Variants in BCL2 observed in about 807,000 individuals in gnomAD.
BCL2 encodes BCL2 apoptosis regulator.
A neutral mutation model predicts 14.2 loss-of-function variants in BCL2; 1 was observed. The observed-to-expected ratio is 0.07, with a 90% confidence interval of 0.02 to 0.33. BCL2 has a LOEUF of 0.33. Among genes scored for constraint, BCL2 ranks in the 10% least tolerant of loss-of-function variants. The pLI is 0.99. For synonymous variants in BCL2, 151 were observed against 137.2 expected (o/e 1.10, Z -0.70); for missense variants, 247 against 305.9 (o/e 0.81, Z 1.44).
intron 2 of BCL2, among the ~76,000 whole-genome samples, chr18:63,168,251 TGG>T (rs1481538336): frequency 1.3e-5 from 2 of 151,722 alleles, no homozygotes; most frequent in African/African-American, 4.8e-5. Context: ...ATTCCTTCCC[TGG>T]GCACATTTAA....
chr18:63,238,677 T>A (rs552679985), intron 2 of BCL2, among the ~76,000 whole-genome samples: 76 of 152,336 alleles, frequency 5.0e-4, no homozygotes, highest in African/African-American at 1.6e-3. Context: ...GCAGAGTCTA[T>A]GTTTATTTAC....
intron 2 of BCL2, among the ~76,000 whole-genome samples, chr18:63,309,889 G>A (rs770765617): frequency 5.3e-5 from 8 of 152,020 alleles, no homozygotes; most frequent in Non-Finnish European, 1.0e-4. Flanking sequence ...TTGAGACAGA[G>A]TCTCGCTCTG....
At position 63,247,871 on chromosome 18, in the gene BCL2, T is replaced by C. The variant is rs980878679; in HGVS notation, c.585+70211A>G. Among the ~76,000 whole-genome samples the C allele has an allele frequency of 2.0e-5, 3 of 152,310 alleles. No homozygotes were observed. The East Asian group carries it at 5.8e-4, about 29-fold the overall frequency. On this transcript the variant is annotated intron_variant, in intron 2 of 2. Coordinates refer to ENST00000333681, the MANE Select transcript of BCL2 (RefSeq NM_000633.3). ...ACTTAGAGGGTTATGTTTATAGACA[T>C]AGTGAAATATATTTTTTTAATTACT...
At chr18:63,281,150 G>A (rs895329908) in intron 2 of BCL2, among the ~76,000 whole-genome samples, 2 of 152,082 alleles carry the variant, frequency 1.3e-5, no homozygotes, top group African/African-American at 2.4e-5. Context: ...CAGTAGTATG[G>A]TGGTTGCCAA....
rs1446342894 is a variant in BCL2 at position 63,262,821 on chromosome 18, C to T, written c.585+55261G>A. Among the ~76,000 whole-genome samples, 3 of 152,120 alleles carry T rather than the reference C, an allele frequency of 2.0e-5. No individual in the cohort carries two copies. In the East Asian group the frequency reaches 5.8e-4, roughly 29 times the overall value. On this transcript the variant is annotated intron_variant, in intron 2 of 2. Transcript: ENST00000333681. Reference sequence around the variant, plus strand: ...GAGGAACAAGTACCAAACTGCTGTCCCCAAATAAAGAACTTACATCAACAA... The same window carrying T: ...GAGGAACAAGTACCAAACTGCTGTCTCCAAATAAAGAACTTACATCAACAA...
At chr18:63,178,434 C>T (rs1915399982) in intron 2 of BCL2, among the ~76,000 whole-genome samples, 1 of 152,108 alleles carries the variant, frequency 6.6e-6, no homozygotes, top group Non-Finnish European at 1.5e-5. Context: ...TGGATGTGGG[C>T]GAAGGTTCTC....
chr18:63,160,030 G>A (rs1278037072), intron 2 of BCL2, among the ~76,000 whole-genome samples: 1 of 152,118 alleles, frequency 6.6e-6, no homozygotes, highest in Non-Finnish European at 1.5e-5. Flanking sequence ...CATGTGTACA[G>A]TTTTATGAAT....
At chr18:63,215,818 AT>A (rs1211065099) in intron 2 of BCL2, among the ~76,000 whole-genome samples, 3 of 151,990 alleles carry the variant, frequency 2.0e-5, no homozygotes, top group Non-Finnish European at 2.9e-5. Flanking sequence ...GGGTGGTGAG[AT>A]TTTTTTTAAT....
intron 2 of BCL2, among the ~76,000 whole-genome samples, chr18:63,218,152 T>C (rs1384735549): frequency 6.6e-6 from 1 of 152,180 alleles, no homozygotes; most frequent in Non-Finnish European, 1.5e-5. Context: ...TAATTCTCAG[T>C]ATGGCCTTTT....
chr18:63,252,454 CTT>C (rs1269214919), intron 2 of BCL2, among the ~76,000 whole-genome samples: 1 of 152,204 alleles, frequency 6.6e-6, no homozygotes, highest in African/African-American at 2.4e-5. Context: ...CAAATCTCAT[CTT>C]GAGTTGTAAC....
At chr18:63,204,642 T>G (rs1909783992) in intron 2 of BCL2, among the ~76,000 whole-genome samples, 1 of 152,224 alleles carries the variant, frequency 6.6e-6, no homozygotes, top group African/African-American at 2.4e-5. Flanking sequence ...AAAGGGTTGT[T>G]GTTTTAAACC....
intron 2 of BCL2, among the ~76,000 whole-genome samples, chr18:63,176,601 T>C (rs1444301026): frequency 6.6e-6 from 1 of 152,202 alleles, no homozygotes; most frequent in Non-Finnish European, 1.5e-5. Context: ...TTTCTTTCTT[T>C]TTTTTACAAT....
intron 2 of BCL2, among the ~76,000 whole-genome samples, chr18:63,222,559 C>T (rs958931377): frequency 6.6e-6 from 1 of 151,872 alleles, no homozygotes; most frequent in African/African-American, 2.4e-5. Context: ...AGAGAATAAG[C>T]AGATTTGAAA....
At chr18:63,229,636 C>G (rs1377224408) in intron 2 of BCL2, among the ~76,000 whole-genome samples, 1 of 152,204 alleles carries the variant, frequency 6.6e-6, no homozygotes, top group South Asian at 2.1e-4. Context: ...ACCCATTTCA[C>G]CTTCTGCTAC....
Position 63,124,448 on chromosome 18 carries a change from C to T in BCL2, c.*4177G>A. The T allele has an allele frequency of 4.3e-6, 1 of 231,570 alleles. No homozygotes were observed. Among genetic ancestry groups the T allele is most frequent in the African/African-American group, 2.2e-5 (1 of 45,344 alleles). 14.3% of individuals were successfully genotyped at this position (231,570 alleles called of 1,614,324 possible). On this transcript the variant is annotated 3_prime_UTR_variant, in exon 3 of 3. Transcript: ENST00000333681. ...AATCTAAAGGTCGTACCACAAACTT[C>T]AAAATGTTTCTCATTTGTCACACAA...
At chr18:63,215,158 A>G (rs1910165840) in intron 2 of BCL2, among the ~76,000 whole-genome samples, 1 of 152,216 alleles carries the variant, frequency 6.6e-6, no homozygotes, top group Admixed American at 6.5e-5. Flanking sequence ...TTTCAAATGG[A>G]CAAGGCATCC....
chr18:63,297,143 G>A (rs1912821213), intron 2 of BCL2, among the ~76,000 whole-genome samples: 1 of 152,014 alleles, frequency 6.6e-6, no homozygotes, highest in Non-Finnish European at 1.5e-5. Context: ...AACCCTGGAG[G>A]CGGAGGTTGC....
At chr18:63,256,197 T>G (rs188202396) in intron 2 of BCL2, among the ~76,000 whole-genome samples, 46 of 152,318 alleles carry the variant, frequency 3.0e-4, no homozygotes, top group Admixed American at 5.2e-4. Flanking sequence ...AAAATATATA[T>G]GGGAAGACAA....
rs780364696 is a variant in BCL2, at chr18:63,257,310, C to G, written c.585+60772G>C. ...CAAAGCCTCATTTCAATATGTAATG[C>G]CAAAGGACATCAAGAAAAACGAATA... On this transcript the variant is annotated intron_variant, in intron 2 of 2. Transcript: ENST00000333681. Among the ~76,000 whole-genome samples, 79 of 152,142 alleles carry G rather than the reference C, an allele frequency of 5.2e-4. 2 individuals carry two copies. Among genetic ancestry groups the G allele is most frequent in the Admixed American group, 2.2e-3 (33 of 15,274 alleles).
Sources: gnomAD v4.1 joint callset for allele counts (sites outside exome capture counted in the v4.1 genomes callset) on GRCh38, gnomAD v4.1.1 for gene constraint, MANE v1.5 for transcripts, NCBI Gene and HGNC (gene_info 2026-07-23, HGNC 2026-07-21) for gene names.